Variants in FAM163A observed in about 807,000 individuals in gnomAD.
FAM163A encodes protein FAM163A.
FAM163A carries 7 observed loss-of-function variants against 12.0 expected under a neutral mutation model. That is an observed-to-expected ratio of 0.58 (90% CI 0.33 to 1.10). The LOEUF (loss-of-function observed/expected upper bound fraction) is 1.10, where lower values mean the gene tolerates loss of function less well. Among genes scored for constraint, FAM163A ranks in the 50% least tolerant of loss-of-function variants. The probability of loss-of-function intolerance (pLI) is 0.03; values close to 1 mark genes in which losing one functional copy is unlikely to be tolerated. For missense variants in FAM163A, 202 were observed against 218.6 expected (o/e 0.92, Z 0.48); for synonymous variants, 101 against 91.0 (o/e 1.11, Z -0.62).
intron 1 of FAM163A, among the ~76,000 whole-genome samples, chr1:179,787,759 G>A (rs1411561759): frequency 6.6e-6 from 1 of 152,214 alleles, no homozygotes; most frequent in South Asian, 2.1e-4. Context: ...TGGGAGGACT[G>A]GAGCTCAGTG....
upstream of FAM163A, among the ~76,000 whole-genome samples, chr1:179,739,594 G>A (rs1296724635): frequency 1.3e-5 from 2 of 152,076 alleles, no homozygotes; most frequent in African/African-American, 4.8e-5. Context: ...TTTATATGTG[G>A]CCCAAGGCAA....
intron 1 of FAM163A, among the ~76,000 whole-genome samples, chr1:179,765,727 G>A (rs565825435): frequency 5.6e-5 from 8 of 143,968 alleles, no homozygotes; most frequent in African/African-American, 1.6e-4. Flanking sequence ...GAGCTGGTTC[G>A]AGACTATTGC....
At chr1:179,792,473 C>A (rs1428644169) in intron 1 of FAM163A, among the ~76,000 whole-genome samples, 6 of 152,048 alleles carry the variant, frequency 3.9e-5, no homozygotes, top group Non-Finnish European at 5.9e-5. Context: ...AACAGAAGGC[C>A]CAGTCTCAGT....
chr1:179,742,719 C>G (rs1186716493), upstream of FAM163A: 1 of 152,446 alleles, frequency 6.6e-6, no homozygotes, highest in African/African-American at 2.4e-5. Context: ...ATTCAGGTTT[C>G]TCCTCGTGTC....
chr1:179,732,742 G>T, the FAM163A span, among the ~76,000 whole-genome samples: 93 of 151,938 alleles, frequency 6.1e-4, no homozygotes, highest in Non-Finnish European at 1.2e-3. Context: ...TTAGCCAGGC[G>T]TGGTGGTGCG....
At chr1:179,797,959 G>A (rs893935546) in intron 1 of FAM163A, among the ~76,000 whole-genome samples, 4 of 152,134 alleles carry the variant, frequency 2.6e-5, no homozygotes, top group Admixed American at 1.3e-4. Context: ...GCCGGGCGCA[G>A]TGGCTCACAC....
intron 3 of FAM163A, 138 bp from the exon 4 acceptor site, chr1:179,812,938 C>T: frequency 1.3e-6 from 1 of 742,326 alleles, no homozygotes; most frequent in Non-Finnish European, 2.2e-6. Flanking sequence ...TCAGGAAACC[C>T]CTGGGGCCTG....
intron 1 of FAM163A, among the ~76,000 whole-genome samples, chr1:179,799,101 T>A (rs185149234): frequency 9.3e-5 from 14 of 151,022 alleles, no homozygotes; most frequent in Admixed American, 9.2e-4. Context: ...TCCAGTCTGC[T>A]GGAAGAAAGT....
At chr1:179,781,933 CAAAAAAAAAA>C (rs58962319) in intron 1 of FAM163A, among the ~76,000 whole-genome samples, 24,217 of 119,392 alleles carry the variant, frequency 0.2, 2,178 homozygotes, top group Non-Finnish European at 0.24. Flanking sequence ...GAATCCGTAT[CAAAAAAAAAA>C]AAAAAAAAAA....
At chr1:179,732,344 C>T in the FAM163A span, among the ~76,000 whole-genome samples, 20 of 152,168 alleles carry the variant, frequency 1.3e-4, no homozygotes, top group South Asian at 2.1e-4. Flanking sequence ...TATATGGAAA[C>T]GTAGATGCGC....
chr1:179,776,612 GA>G (rs1364621367), intron 1 of FAM163A, among the ~76,000 whole-genome samples: 1 of 152,144 alleles, frequency 6.6e-6, no homozygotes, highest in East Asian at 1.9e-4. Context: ...TCGGCCCTGA[GA>G]AAGCCCCTTC....
At chr1:179,754,811 G>C (rs146806965) in intron 1 of FAM163A, among the ~76,000 whole-genome samples, 354 of 152,290 alleles carry the variant, frequency 2.3e-3, no homozygotes, top group Admixed American at 3.5e-3. Flanking sequence ...CTTTTTAACA[G>C]AGGCATAACA....
At chr1:179,795,631 G>A (rs560611675) in intron 1 of FAM163A, among the ~76,000 whole-genome samples, 82 of 152,260 alleles carry the variant, frequency 5.4e-4, no homozygotes, top group African/African-American at 1.6e-3. Context: ...CATAAATGAC[G>A]TAGTCTCTTA....
In FAM163A at chr1:179,814,033, G is replaced by T; in HGVS notation, c.348G>T (p.Gly116=). Residue 116 remains glycine, a synonymous_variant, in exon 5 of 5, where the codon GGG becomes GGT. Coordinates refer to ENST00000341785, the MANE Select transcript of FAM163A (RefSeq NM_173509.3). The part of the protein sequence containing the change: ...YIRTADMVPN[G]GGGERLSFAP... ...GGACGGCTGACATGGTGCCCAATGG[G>T]GGTGGAGGCGAGAGGCTCTCCTTTG... 1 of 1,613,552 alleles carries T rather than the reference G, an allele frequency of 6.2e-7. No homozygotes were observed. The highest frequency in any genetic ancestry group is 2.2e-5 in the East Asian group (1 of 44,858).
chr1:179,796,971 T>G (rs1292213290), intron 1 of FAM163A, among the ~76,000 whole-genome samples: 1 of 152,186 alleles, frequency 6.6e-6, no homozygotes, highest in Non-Finnish European at 1.5e-5. Context: ...CACAGGCCTG[T>G]GTATGACACG....
intron 1 of FAM163A, among the ~76,000 whole-genome samples, chr1:179,789,243 G>A (rs1334051149): frequency 6.6e-6 from 1 of 152,094 alleles, no homozygotes; most frequent in African/African-American, 2.4e-5. Flanking sequence ...GTGCAGTGGT[G>A]CTATCTCAGC....
At chr1:179,763,210 T>C (rs1346721080) in intron 1 of FAM163A, among the ~76,000 whole-genome samples, 1 of 152,228 alleles carries the variant, frequency 6.6e-6, no homozygotes, top group Non-Finnish European at 1.5e-5. Context: ...GATTTAGCCA[T>C]GCTTCTCTTC....
At chr1:179,807,347 A>G (rs1212012229) in intron 1 of FAM163A, among the ~76,000 whole-genome samples, 3 of 152,172 alleles carry the variant, frequency 2.0e-5, no homozygotes, top group Non-Finnish European at 2.9e-5. Flanking sequence ...GCACTGGGAA[A>G]AATAGGCCCG....
chr1:179,812,927 T>A, intron 3 of FAM163A, 149 bp from the exon 4 acceptor site: 1 of 679,518 alleles, frequency 1.5e-6, no homozygotes. Flanking sequence ...GTCCTCAGCC[T>A]TCAGGAAACC....
Sources: gnomAD v4.1 joint callset for allele counts (sites outside exome capture counted in the v4.1 genomes callset) on GRCh38, gnomAD v4.1.1 for gene constraint, MANE v1.5 for transcripts, NCBI Gene and HGNC (gene_info 2026-07-23, HGNC 2026-07-21) for gene names.